The following HDAC4 variants were observed in gnomAD, a reference collection of about 807,000 sequenced individuals.
HDAC4 encodes the protein histone deacetylase 4.
Under a neutral mutation model 135.1 loss-of-function variants are expected in HDAC4, and 16 were observed. The ratio of observed to expected loss-of-function variants is 0.12; its 90% confidence interval spans 0.08 to 0.18. The LOEUF is 0.18. Among genes scored for constraint, HDAC4 ranks in the 10% least tolerant of loss-of-function variants. The pLI is 1.00. For missense variants in HDAC4, 1,143 were observed against 1,511.8 expected, an observed-to-expected ratio of 0.76 and a Z score of 4.05; for synonymous variants, 685 against 653.4, an observed-to-expected ratio of 1.05 and a Z score of -0.74.
intron 3 of HDAC4, among the ~76,000 whole-genome samples, chr2:239,191,650 C>T (rs1360049341): frequency 6.6e-6 from 1 of 152,228 alleles, no homozygotes; most frequent in Admixed American, 6.5e-5. Context: ...GTGGGAGCTG[C>T]AGTCACCTGA....
At chr2:239,278,062 G>A (rs1020952119) in intron 2 of HDAC4, among the ~76,000 whole-genome samples, 8 of 117,276 alleles carry the variant, frequency 6.8e-5, no homozygotes, top group Non-Finnish European at 1.1e-4. Flanking sequence ...CACTCCAGCC[G>A]CACACTCGGC....
At chr2:239,277,346 A>C (rs1452337228) in intron 2 of HDAC4, among the ~76,000 whole-genome samples, 1 of 152,158 alleles carries the variant, frequency 6.6e-6, no homozygotes, top group East Asian at 1.9e-4. Flanking sequence ...GGAGAGGAGG[A>C]GCACCAAGCT....
chr2:239,192,376 A>G (rs1246717984), intron 3 of HDAC4, among the ~76,000 whole-genome samples: 1 of 152,132 alleles, frequency 6.6e-6, no homozygotes, highest in African/African-American at 2.4e-5. Flanking sequence ...TTTATGACAA[A>G]ATATAGCAAA....
intron 8 of HDAC4, among the ~76,000 whole-genome samples, chr2:239,142,438 G>A (rs2041447627): frequency 6.6e-6 from 1 of 152,208 alleles, no homozygotes; most frequent in Non-Finnish European, 1.5e-5. Context: ...GTGCCGGCCA[G>A]GAGATGCACA....
At chr2:239,120,754 T>C (rs2039612715) in intron 12 of HDAC4, among the ~76,000 whole-genome samples, 1 of 151,132 alleles carries the variant, frequency 6.6e-6, no homozygotes, top group South Asian at 2.1e-4. Context: ...CTGAAGTGGA[T>C]AAAAGTGATG....
intron 20 of HDAC4, among the ~76,000 whole-genome samples, 153 bp from the exon 21 acceptor site, chr2:239,082,374 C>T (rs939053685): frequency 6.6e-6 from 1 of 152,324 alleles, no homozygotes; most frequent in Middle Eastern, 3.4e-3. Context: ...CCGGCAGGCG[C>T]GATTCTGGGG....
chr2:239,271,841 A>G (rs1048794454), intron 2 of HDAC4, among the ~76,000 whole-genome samples: 5 of 152,210 alleles, frequency 3.3e-5, no homozygotes, highest in African/African-American at 1.2e-4. Context: ...TGGAAGTTAC[A>G]CAGAGCTTCG....
chr2:239,174,232 C>T (rs559094708), intron 5 of HDAC4, among the ~76,000 whole-genome samples: 2 of 152,280 alleles, frequency 1.3e-5, no homozygotes, highest in African/African-American at 2.4e-5. Flanking sequence ...AGAGAGTGAA[C>T]AGGCAAAGTA....
intron 2 of HDAC4, among the ~76,000 whole-genome samples, chr2:239,318,372 C>A (rs770011034): frequency 2.0e-5 from 3 of 152,198 alleles, no homozygotes; most frequent in Non-Finnish European, 4.4e-5. Flanking sequence ...GCTGCCCCTA[C>A]GCTTCCAAAA....
Position 239,262,674 on chromosome 2 carries a change from AG to A in HDAC4, c.23-26011del, listed in dbSNP as rs1378448656. ...GACCTGGGCTAGTGCAGGGGTGGGC[AG>A]GCACCACAAGCGGGACACCCCCAAG... On this transcript the variant is annotated intron_variant, in intron 2 of 26. Coordinates refer to ENST00000543185, the MANE Select transcript of HDAC4 (RefSeq NM_001378414.1). This position sits in a 1 kb window ranked among gnomAD's most constrained non-coding sequence, Gnocchi z 4.1. 3.3e-5 allele frequency among the ~76,000 whole-genome samples: 5 copies of A among 152,112 alleles called. No homozygotes were observed. The highest frequency in any genetic ancestry group is 5.9e-5 in the Non-Finnish European group (4 of 68,024).
chr2:239,231,324 C>T (rs559936947), intron 3 of HDAC4, among the ~76,000 whole-genome samples: 129 of 152,288 alleles, frequency 8.5e-4, no homozygotes, highest in African/African-American at 2.9e-3. Context: ...GGAAGGGCAT[C>T]GCATTTTCTG....
chr2:239,283,906 C>T (rs1273880720), intron 2 of HDAC4, among the ~76,000 whole-genome samples: 5 of 152,174 alleles, frequency 3.3e-5, no homozygotes, highest in Non-Finnish European at 7.4e-5. Flanking sequence ...CATGTAGTGC[C>T]GGGGAGAAGT....
intron 1 of HDAC4, among the ~76,000 whole-genome samples, chr2:239,366,560 T>C (rs1694229000): frequency 6.6e-6 from 1 of 152,190 alleles, no homozygotes; most frequent in African/African-American, 2.4e-5. Flanking sequence ...AAATAAACTC[T>C]GGAGAGGAAG....
intron 7 of HDAC4, among the ~76,000 whole-genome samples, chr2:239,147,099 A>C (rs1439337336): frequency 6.6e-6 from 1 of 152,198 alleles, no homozygotes; most frequent in East Asian, 1.9e-4. Context: ...TCAGACAAGC[A>C]GGGTTTTGGA....
intron 2 of HDAC4, among the ~76,000 whole-genome samples, chr2:239,238,781 C>T (rs1047096504): frequency 1.8e-4 from 27 of 152,188 alleles, no homozygotes; most frequent in African/African-American, 6.3e-4. Flanking sequence ...TCAGTGCAAC[C>T]GATTTGACTT....
chr2:239,102,906 C>G lies in HDAC4; in HGVS notation c.2113-10G>C, dbSNP rs760051876. 6.2e-7 allele frequency: 1 copy of G among 1,613,736 alleles called. No individual in the cohort carries two copies. On this transcript the variant is annotated splice_polypyrimidine_tract_variant and intron_variant, in intron 15 of 26. Coordinates refer to ENST00000543185, the MANE Select transcript of HDAC4 (RefSeq NM_001378414.1). ...TGCGTCCGCGGATGCACTGTGGGGACAGGCGAGAGGACACTCACACGTTCT... is the reference window on the plus strand; with the variant it reads ...TGCGTCCGCGGATGCACTGTGGGGAGAGGCGAGAGGACACTCACACGTTCT...
intron 7 of HDAC4, among the ~76,000 whole-genome samples, chr2:239,149,108 A>G (rs997662599): frequency 6.6e-6 from 1 of 152,168 alleles, no homozygotes; most frequent in African/African-American, 2.4e-5. Context: ...GTGAAAATAA[A>G]AAGATAATTC....
chr2:239,281,037 T>C lies in HDAC4; in HGVS notation c.23-44373A>G, dbSNP rs537642693. ...ATGTACACACCACTCTCAATGTACA[T>C]ACCACTCTACAATGTACACACCACT... On this transcript the variant is annotated intron_variant, in intron 2 of 26. Transcript: ENST00000543185. Among the ~76,000 whole-genome samples, 7 of 117,530 alleles carry C rather than the reference T, an allele frequency of 6.0e-5. 1 individual carries two copies. The highest frequency in any genetic ancestry group is 2.0e-4 in the African/African-American group (6 of 29,472). The allele number at this position is 117,530 out of a possible 152,430, so 77.1% of individuals were successfully genotyped here.
intron 2 of HDAC4, among the ~76,000 whole-genome samples, chr2:239,298,793 C>G (rs2052066374): frequency 6.6e-6 from 1 of 151,394 alleles, no homozygotes; most frequent in African/African-American, 2.4e-5. Context: ...TTAACTGTGT[C>G]ATATGATGAA....
Sources: allele counts gnomAD v4.1 joint callset (sites outside exome capture counted in the v4.1 genomes callset), GRCh38; gene constraint gnomAD v4.1.1; non-coding constraint Gnocchi (gnomAD v3.1); transcripts MANE v1.5; gene names NCBI Gene and HGNC (gene_info 2026-07-23, HGNC 2026-07-21).